ADGRL3: variants seen among roughly 807,000 people sequenced by gnomAD.
ADGRL3 encodes adhesion G protein-coupled receptor L3, also known as calcium-independent alpha-latrotoxin receptor 3.
ADGRL3 carries 62 observed loss-of-function variants against 153.5 expected under a neutral mutation model. The ratio of observed to expected loss-of-function variants is 0.40; its 90% confidence interval spans 0.33 to 0.50. ADGRL3 has a LOEUF of 0.50. ADGRL3 is among the 20% of genes least tolerant of loss of function. The probability of loss-of-function intolerance (pLI) is 0.47; values close to 1 mark genes in which losing one functional copy is unlikely to be tolerated. For missense variants in ADGRL3, 1,641 were observed against 1,859.4 expected (o/e 0.88, Z 2.16); for synonymous variants, 710 against 672.5 (o/e 1.06, Z -0.86).
intron 1 of ADGRL3, among the ~76,000 whole-genome samples, chr4:61,256,259 A>AT (rs1328359637): frequency 1.3e-5 from 2 of 151,982 alleles, no homozygotes; most frequent in East Asian, 1.9e-4. Context: ...GTTTTTAATC[A>AT]TTTTTTTCTT....
chr4:62,014,705 T>G (rs576797282), intron 21 of ADGRL3, among the ~76,000 whole-genome samples: 1 of 152,234 alleles, frequency 6.6e-6, no homozygotes, highest in East Asian at 1.9e-4. Flanking sequence ...GCTCAAGCTG[T>G]TCAATTTTAC....
At chr4:61,432,642 CTTTCTTTCTTTCTTTTTTTTTTTT>C (rs2097382309) in intron 2 of ADGRL3, among the ~76,000 whole-genome samples, 1 of 22,940 alleles carries the variant, frequency 4.4e-5, no homozygotes, top group African/African-American at 1.4e-4. Context: ...TTCTTTCTTT[CTTTCTTTCTTTCTTTTTTTTTTTT>C]TTTTGAGACA....
At chr4:62,065,593 A>G (rs1034252473) in intron 25 of ADGRL3, among the ~76,000 whole-genome samples, 1 of 152,056 alleles carries the variant, frequency 6.6e-6, no homozygotes, top group African/African-American at 2.4e-5. Flanking sequence ...ATTCTACTCT[A>G]TTCAGTACAT....
At chr4:61,668,874 G>T (rs1221218877) in intron 5 of ADGRL3, among the ~76,000 whole-genome samples, 5 of 152,036 alleles carry the variant, frequency 3.3e-5, no homozygotes, top group Non-Finnish European at 5.9e-5. Flanking sequence ...ATACAATTAG[G>T]TGGGCATGGT....
intron 2 of ADGRL3, among the ~76,000 whole-genome samples, chr4:61,470,440 A>G (rs2152680079): frequency 6.6e-6 from 1 of 152,118 alleles, no homozygotes; most frequent in Non-Finnish European, 1.5e-5. Context: ...AGTAATACTG[A>G]GTAACATGAT....
rs145683081 is a variant in ADGRL3, at chr4:61,730,065, C to G, written c.584-557C>G. Among the ~76,000 whole-genome samples the G allele has an allele frequency of 1.8e-3, 270 of 152,006 alleles. 2 individuals are homozygous for G. The highest frequency in any genetic ancestry group is 6.3e-3 in the African/African-American group (261 of 41,546). On this transcript the variant is annotated intron_variant, in intron 6 of 26. Transcript: ENST00000683033. ...TCAATTTATTTAGGGTAAGATCATT[C>G]AACATTAATGTGTAGTCTCATGAGG...
chr4:62,016,072 T>C (rs1188027339), intron 21 of ADGRL3, among the ~76,000 whole-genome samples: 1 of 151,850 alleles, frequency 6.6e-6, no homozygotes, highest in East Asian at 1.9e-4. Flanking sequence ...TTTTTTGAGA[T>C]GGAGTCTCGC....
At position 61,683,593 on chromosome 4, in the gene ADGRL3, C is replaced by A. The variant is rs186730786; in HGVS notation, c.583+6658C>A. Reference sequence around the variant, plus strand: ...AAAAGGTTAAAGTGAAGACACCACTCAAAGGTGGGCATGACAGTGTAGAAA... The same window carrying A: ...AAAAGGTTAAAGTGAAGACACCACTAAAAGGTGGGCATGACAGTGTAGAAA... On this transcript the variant is annotated intron_variant, in intron 6 of 26. Transcript: ENST00000683033. 4.8e-3 allele frequency among the ~76,000 whole-genome samples: 733 copies of A among 152,044 alleles called. 3 individuals carry two copies. Among genetic ancestry groups the A allele is most frequent in the Non-Finnish European group, 6.5e-3 (439 of 67,990 alleles).
At chr4:61,438,306 A>G (rs1268288015) in intron 2 of ADGRL3, among the ~76,000 whole-genome samples, 2 of 151,388 alleles carry the variant, frequency 1.3e-5, no homozygotes, top group African/African-American at 2.4e-5. Context: ...TATCACTTTC[A>G]CATTAACCTG....
chr4:61,387,051 G>A (rs1265722060), intron 2 of ADGRL3, among the ~76,000 whole-genome samples: 1 of 152,108 alleles, frequency 6.6e-6, no homozygotes, highest in Non-Finnish European at 1.5e-5. Context: ...CTAAGCGTTG[G>A]CCGCCTTGAG....
Position 61,559,488 on chromosome 4 carries a change from C to T in ADGRL3, c.260-27739C>T, listed in dbSNP as rs894931025. Among the ~76,000 whole-genome samples the T allele has an allele frequency of 1.6e-4, 25 of 152,050 alleles. 1 individual carries two copies. The highest frequency in any genetic ancestry group is 5.8e-4 in the African/African-American group (24 of 41,414). On this transcript the variant is annotated intron_variant, in intron 4 of 26. Coordinates refer to ENST00000683033, the MANE Select transcript of ADGRL3 (RefSeq NM_001387552.1). ...AAATAAAAGCTTGGACTGCACCCAT[C>T]GTGGCATTTTAGTATGATTAGCCTG...
chr4:61,619,597 T>C (rs532385000), intron 5 of ADGRL3, among the ~76,000 whole-genome samples: 1 of 152,270 alleles, frequency 6.6e-6, no homozygotes, highest in South Asian at 2.1e-4. Context: ...TGTTATACTT[T>C]CGATTTACAG....
In ADGRL3 at chr4:61,619,930, T is replaced by C. The variant is rs371493945; in HGVS notation, c.473+32490T>C. Among the ~76,000 whole-genome samples, 6 of 152,288 alleles carry C rather than the reference T, an allele frequency of 3.9e-5. No individual in the cohort carries two copies. The East Asian group carries it at 5.8e-4, about 15-fold the overall frequency. ...TTCTTGTAACGGCAAATAGTTAAAA[T>C]TTCATCTGTGTCAAGTTTCTTTTCT... On this transcript the variant is annotated intron_variant, in intron 5 of 26. Coordinates refer to ENST00000683033, the MANE Select transcript of ADGRL3 (RefSeq NM_001387552.1).
Position 61,711,461 on chromosome 4 carries a change from TATATATA to T in ADGRL3, c.584-19160_584-19154del, listed in dbSNP as rs1561105116. Among the ~76,000 whole-genome samples, 45 of 70,112 alleles carry T rather than the reference TATATATA, an allele frequency of 6.4e-4. 4 individuals carry two copies. The highest frequency in any genetic ancestry group is 1.4e-3 in the South Asian group (3 of 2,110). The allele number at this position is 70,112 out of a possible 152,430, so 46.0% of individuals were successfully genotyped here. On this transcript the variant is annotated intron_variant, in intron 6 of 26. Transcript: ENST00000683033. ...CTATCTTAAAACATATGCTTCATTA[TATATATA>T]TATATATATATATATATATATATAC...
intron 19 of ADGRL3, among the ~76,000 whole-genome samples, chr4:61,995,313 CT>C (rs1232964785): frequency 6.6e-6 from 1 of 151,742 alleles, no homozygotes; most frequent in African/African-American, 2.4e-5. Flanking sequence ...TTATTCATTA[CT>C]TTTTTGATAG....
chr4:61,332,311 G>T (rs1054771707), intron 1 of ADGRL3, among the ~76,000 whole-genome samples: 2 of 152,046 alleles, frequency 1.3e-5, no homozygotes, highest in African/African-American at 4.8e-5. Context: ...CTGACAAATT[G>T]ATTTCTTCGA....
At chr4:61,852,287 AATTTT>A (rs199939145) in intron 9 of ADGRL3, among the ~76,000 whole-genome samples, 555 of 105,808 alleles carry the variant, frequency 5.2e-3, no homozygotes, top group Middle Eastern at 0.017. Context: ...ATTTTATTTT[AATTTT>A]ATTTTATTTT....
At chr4:61,262,260 TTG>T (rs2092576267) in intron 1 of ADGRL3, among the ~76,000 whole-genome samples, 1 of 152,160 alleles carries the variant, frequency 6.6e-6, no homozygotes, top group East Asian at 1.9e-4. Context: ...ATGTGTTATT[TTG>T]TAGTAAAGGT....
intron 21 of ADGRL3, among the ~76,000 whole-genome samples, chr4:62,003,421 T>A (rs1443586132): frequency 6.6e-6 from 1 of 152,088 alleles, no homozygotes; most frequent in Non-Finnish European, 1.5e-5. Flanking sequence ...AACTTGAGTG[T>A]CAAACCCAGT....
Sources: gnomAD v4.1 joint callset for allele counts (sites outside exome capture counted in the v4.1 genomes callset) on GRCh38, gnomAD v4.1.1 for gene constraint, MANE v1.5 for transcripts, NCBI Gene and HGNC (gene_info 2026-07-23, HGNC 2026-07-21) for gene names.